SH3RF3: variants seen among roughly 807,000 people sequenced by gnomAD.
SH3RF3 encodes the protein E3 ubiquitin-protein ligase SH3RF3.
SH3RF3 carries 29 observed loss-of-function variants against 66.3 expected under a neutral mutation model. The ratio of observed to expected loss-of-function variants is 0.44; its 90% CI spans 0.33 to 0.60. The LOEUF is 0.60. Among genes scored for constraint, SH3RF3 ranks in the 20% least tolerant of loss-of-function variants. The pLI is 0.04. For missense variants in SH3RF3, 1,194 were observed against 1,190.9 expected, an observed-to-expected ratio of 1.00 and a Z score of -0.04; for synonymous variants, 583 against 532.0, an observed-to-expected ratio of 1.10 and a Z score of -1.32.
chr2:109,223,868 A>G (rs980220918), intron 1 of SH3RF3, among the ~76,000 whole-genome samples: 13 of 152,180 alleles, frequency 8.5e-5, no homozygotes, highest in Non-Finnish European at 1.9e-4. Context: ...GTGGTGGCAC[A>G]TGTCTGTTGT....
Position 109,234,100 on chromosome 2 carries a change from G to A in SH3RF3, c.573+103987G>A, listed in dbSNP as rs182148224. Reference sequence around the variant, plus strand: ...GAGTAGAATTGCTGGATCATAAGGTGAATGTGTGTTTAATTTCCTTATAGG... The same window carrying A: ...GAGTAGAATTGCTGGATCATAAGGTAAATGTGTGTTTAATTTCCTTATAGG... On this transcript the variant is annotated intron_variant, in intron 1 of 9. Coordinates refer to ENST00000309415, the MANE Select transcript of SH3RF3 (RefSeq NM_001099289.3). Among the ~76,000 whole-genome samples the A allele has an allele frequency of 2.0e-5, 3 of 152,282 alleles. No individual in the cohort carries two copies. In the East Asian group the frequency reaches 5.8e-4, roughly 29 times the overall value.
At chr2:109,397,809 G>A (rs962207669) in intron 3 of SH3RF3, among the ~76,000 whole-genome samples, 6 of 152,198 alleles carry the variant, frequency 3.9e-5, no homozygotes, top group Non-Finnish European at 7.3e-5. Flanking sequence ...TTATTCCCCG[G>A]TTGCTCATGG....
chr2:109,203,702 G>A (rs1168368326), intron 1 of SH3RF3, among the ~76,000 whole-genome samples: 2 of 152,148 alleles, frequency 1.3e-5, no homozygotes, highest in Non-Finnish European at 2.9e-5. Flanking sequence ...CACCCCCTGG[G>A]CCTGGAGCCC....
intron 1 of SH3RF3, among the ~76,000 whole-genome samples, chr2:109,286,867 G>A (rs1443642273): frequency 1.3e-5 from 2 of 152,234 alleles, no homozygotes; most frequent in African/African-American, 4.8e-5. Context: ...CTCTAAATTC[G>A]TTGACCGGTC....
At chr2:109,217,086 A>G (rs1301494119) in intron 1 of SH3RF3, among the ~76,000 whole-genome samples, 1 of 152,210 alleles carries the variant, frequency 6.6e-6, no homozygotes, top group Non-Finnish European at 1.5e-5. Context: ...AGGCTCATTC[A>G]TGCTGCAGTG....
chr2:109,339,998 G>T (rs1682522148), intron 1 of SH3RF3, among the ~76,000 whole-genome samples: 1 of 152,146 alleles, frequency 6.6e-6, no homozygotes, highest in African/African-American at 2.4e-5. Context: ...TGAGGAATTT[G>T]CCCACCTTGC....
chr2:109,199,160 C>T, intron 1 of SH3RF3, among the ~76,000 whole-genome samples: 1 of 151,854 alleles, frequency 6.6e-6, no homozygotes, highest in East Asian at 1.9e-4. Flanking sequence ...GAGATCGAGA[C>T]CATCCTGGCT....
intron 3 of SH3RF3, among the ~76,000 whole-genome samples, chr2:109,379,724 CTGTGTCAG>C (rs1415770822): frequency 6.6e-6 from 1 of 152,178 alleles, no homozygotes; most frequent in Non-Finnish European, 1.5e-5. Context: ...GCTTGCATTT[CTGTGTCAG>C]TGTGGACTGT....
intron 1 of SH3RF3, among the ~76,000 whole-genome samples, chr2:109,240,371 C>G (rs1431080195): frequency 6.6e-6 from 1 of 152,110 alleles, no homozygotes; most frequent in Non-Finnish European, 1.5e-5. Flanking sequence ...GCCTGTAATC[C>G]CAGCTACTTG....
At chr2:109,468,946 C>T (rs1489268494) in intron 8 of SH3RF3, among the ~76,000 whole-genome samples, 1 of 150,696 alleles carries the variant, frequency 6.6e-6, no homozygotes, top group Admixed American at 6.6e-5. Context: ...GAACTGCCTT[C>T]CCAGTTAGTG....
chr2:109,198,116 C>T (rs1678550740), intron 1 of SH3RF3, among the ~76,000 whole-genome samples: 1 of 152,132 alleles, frequency 6.6e-6, no homozygotes, highest in Non-Finnish European at 1.5e-5. Flanking sequence ...CATTTGAAGT[C>T]TCTCAGTACC....
At chr2:109,373,669 G>T (rs1574604894) in intron 3 of SH3RF3, among the ~76,000 whole-genome samples, 1 of 152,262 alleles carries the variant, frequency 6.6e-6, no homozygotes, top group East Asian at 1.9e-4. Flanking sequence ...AGGTAAGGAG[G>T]TTCTGGGCTG....
intron 1 of SH3RF3, among the ~76,000 whole-genome samples, chr2:109,173,861 G>C (rs576856333): frequency 6.6e-6 from 1 of 152,254 alleles, no homozygotes; most frequent in African/African-American, 2.4e-5. Context: ...TTCAGACTCA[G>C]CTCTTTTGCT....
intron 1 of SH3RF3, among the ~76,000 whole-genome samples, chr2:109,252,587 A>G (rs937730256): frequency 3.9e-5 from 6 of 152,248 alleles, no homozygotes; most frequent in African/African-American, 1.4e-4. Context: ...GAATGAGTTA[A>G]GATGGATTAT....
At chr2:109,187,170 G>A (rs374680194) in intron 1 of SH3RF3, among the ~76,000 whole-genome samples, 1 of 152,190 alleles carries the variant, frequency 6.6e-6, no homozygotes, top group African/African-American at 2.4e-5. Flanking sequence ...CCACTTCGTC[G>A]TCATTACAAG....
intron 1 of SH3RF3, among the ~76,000 whole-genome samples, chr2:109,263,129 A>C (rs1010947398): frequency 3.9e-5 from 6 of 152,220 alleles, no homozygotes; most frequent in East Asian, 1.9e-4. Context: ...TATAGGCGTG[A>C]GCCACCACGC....
chr2:109,380,414 C>T (rs924544089), intron 3 of SH3RF3, among the ~76,000 whole-genome samples: 1 of 152,138 alleles, frequency 6.6e-6, no homozygotes. Flanking sequence ...CTACCCTGTG[C>T]ACCTGTGCAA....
intron 1 of SH3RF3, among the ~76,000 whole-genome samples, chr2:109,263,187 T>C (rs1440853510): frequency 6.6e-6 from 1 of 152,184 alleles, no homozygotes; most frequent in South Asian, 2.1e-4. Context: ...CAGAGACATG[T>C]GCATTCATAC....
intron 8 of SH3RF3, among the ~76,000 whole-genome samples, chr2:109,481,658 A>G (rs1372093580): frequency 6.6e-6 from 1 of 152,152 alleles, no homozygotes; most frequent in Non-Finnish European, 1.5e-5. Context: ...AAGGGGCTGG[A>G]CATGTGGATG....
Sources: gnomAD v4.1 joint callset for allele counts (sites outside exome capture counted in the v4.1 genomes callset) on GRCh38, gnomAD v4.1.1 for gene constraint, MANE v1.5 for transcripts, NCBI Gene and HGNC (gene_info 2026-07-23, HGNC 2026-07-21) for gene names.